Variants in TMPRSS2 observed in about 807,000 individuals in gnomAD.
TMPRSS2 encodes transmembrane protease serine 2.
In TMPRSS2, 59 loss-of-function variants were observed where a neutral mutation model predicts 67.4. The ratio of observed to expected loss-of-function variants is 0.88; its 90% CI spans 0.71 to 1.09. The LOEUF (loss-of-function observed/expected upper bound fraction) is 1.09, where lower values mean the gene tolerates loss of function less well. TMPRSS2 is among the 50% of genes least tolerant of loss of function. The probability of loss-of-function intolerance (pLI) is 0.00; values close to 1 mark genes in which losing one functional copy is unlikely to be tolerated. For missense variants in TMPRSS2, 668 were observed against 642.7 expected, an observed-to-expected ratio of 1.04 and a Z score of -0.43; for synonymous variants, 257 against 257.0, an observed-to-expected ratio of 1.00 and a Z score of 0.00.
chr21:41,488,035 CATCT>C, intron 5 of TMPRSS2: 1 of 180,394 alleles, frequency 5.5e-6, no homozygotes, highest in African/African-American at 2.3e-5. Flanking sequence ...TCAGGTGATC[CATCT>C]GCCTCGGCCT....
intron 8 of TMPRSS2, among the ~76,000 whole-genome samples, chr21:41,473,750 G>T (rs891701157): frequency 6.6e-6 from 1 of 151,254 alleles, no homozygotes; most frequent in Non-Finnish European, 1.5e-5. Context: ...GACCCAGGTG[G>T]GGGTGTTCTG....
intron 3 of TMPRSS2, among the ~76,000 whole-genome samples, chr21:41,493,352 TGTGAAGG>T: frequency 6.6e-6 from 1 of 151,964 alleles, no homozygotes; most frequent in South Asian, 2.1e-4. Flanking sequence ...AAGAGCCATT[TGTGAAGG>T]GTGAGGGGGT....
Position 41,508,086 on chromosome 21 carries a change from G to A in TMPRSS2, c.-62C>T, listed in dbSNP as rs1486820175. The A allele has an allele frequency of 8.0e-6, 10 of 1,255,388 alleles. No homozygotes were observed. The highest frequency in any genetic ancestry group is 1.6e-5 in the African/African-American group (1 of 63,608). The allele number at this position is 1,255,388 out of a possible 1,614,324, so 77.8% of individuals were successfully genotyped here. A position where few individuals can be genotyped will look rare whatever the true frequency, so the allele number is the denominator to read the frequency against. ...CTGGTACCGGCGCCGCTCACCTGCCGCGCTCCAGGCGGCGCTCCCCGCCCC... is the reference window on the plus strand; with the variant it reads ...CTGGTACCGGCGCCGCTCACCTGCCACGCTCCAGGCGGCGCTCCCCGCCCC... On this transcript the variant is annotated 5_prime_UTR_variant, in exon 1 of 14. Transcript: ENST00000332149.
chr21:41,482,418 G>C (rs2091263781), intron 5 of TMPRSS2, among the ~76,000 whole-genome samples: 1 of 152,216 alleles, frequency 6.6e-6, no homozygotes, highest in African/African-American at 2.4e-5. Context: ...GGGAAAGAGA[G>C]CAAGTGATAA....
Position 41,464,613 on chromosome 21 carries a change from AC to A in TMPRSS2, c.*1528del. ...ATATTCATTTTCACAATTGAACTTT[AC>A]AGTTTAAAAAAGATACAAAAAAAGA... On this transcript the variant is annotated 3_prime_UTR_variant, in exon 14 of 14. Coordinates refer to ENST00000332149, the MANE Select transcript of TMPRSS2 (RefSeq NM_005656.4). 4.3e-6 allele frequency: 1 copy of A among 232,712 alleles called. No homozygotes were observed. The highest frequency in any genetic ancestry group is 8.5e-6 in the Non-Finnish European group (1 of 117,650). The allele number at this position is 232,712 out of a possible 1,614,324, so 14.4% of individuals were successfully genotyped here.
At chr21:41,488,295 TG>T in intron 5 of TMPRSS2, 98 bp downstream of exon 5, 1 of 1,405,808 alleles carries the variant, frequency 7.1e-7, no homozygotes, top group Non-Finnish European at 9.8e-7. Flanking sequence ...GTCAGCGTAC[TG>T]GACGCACGCC....
At chr21:41,472,128 T>C in intron 9 of TMPRSS2, 147 bp from the exon 10 acceptor site, 1 of 637,410 alleles carries the variant, frequency 1.6e-6, no homozygotes, top group Non-Finnish European at 2.5e-6. Flanking sequence ...GAAGAGGTGC[T>C]CGGTCTCCCC....
At chr21:41,467,360 G>T (rs1396222829) in intron 13 of TMPRSS2, among the ~76,000 whole-genome samples, 2 of 150,620 alleles carry the variant, frequency 1.3e-5, no homozygotes, top group African/African-American at 2.5e-5. Context: ...CTGCACTCCA[G>T]CCTGGGCGAC....
chr21:41,489,654 A>C, intron 3 of TMPRSS2, 61 bp from the exon 4 acceptor site: 2 of 1,105,298 alleles, frequency 1.8e-6, no homozygotes, highest in Non-Finnish European at 1.4e-6. Context: ...ATGCTCTCAA[A>C]TGTTATCTAT....
intron 2 of TMPRSS2, 140 bp from the exon 3 acceptor site, chr21:41,494,718 C>A: frequency 2.4e-6 from 2 of 837,268 alleles, no homozygotes; most frequent in East Asian, 2.6e-5. Context: ...GTGAAATATG[C>A]ATCCTGTCTA....
In TMPRSS2 at chr21:41,478,008, T is replaced by A. The variant is rs538990932; in HGVS notation, c.683+1164A>T. ...CAAGGGACGGCAGCACCTCCTCCCCTCCCCCCGTCCCTGCCCGGCTGGACT... is the reference window on the plus strand; with the variant it reads ...CAAGGGACGGCAGCACCTCCTCCCCACCCCCCGTCCCTGCCCGGCTGGACT... On this transcript the variant is annotated intron_variant, in intron 7 of 13. Transcript: ENST00000332149. This position sits in a 1 kb window ranked among gnomAD's most constrained non-coding sequence, Gnocchi z 4.0. 5.9e-4 allele frequency among the ~76,000 whole-genome samples: 89 copies of A among 151,838 alleles called. No homozygotes were observed. The highest frequency in any genetic ancestry group is 2.1e-3 in the African/African-American group (87 of 41,380).
At chr21:41,476,209 C>T (rs1340967605) in intron 8 of TMPRSS2, among the ~76,000 whole-genome samples, 2 of 152,282 alleles carry the variant, frequency 1.3e-5, no homozygotes, top group African/African-American at 2.4e-5. Flanking sequence ...ACCACAGCCC[C>T]GCAGATGCTC....
intron 2 of TMPRSS2, among the ~76,000 whole-genome samples, chr21:41,494,873 A>G (rs1275931920): frequency 6.6e-6 from 1 of 151,916 alleles, no homozygotes; most frequent in Non-Finnish European, 1.5e-5. Flanking sequence ...GATCGAGACC[A>G]TCGTGGCCAA....
Position 41,476,503 on chromosome 21 carries a change from A to G in TMPRSS2, c.727+74T>C. ...TTCCCTCCCACGCCCCCAGAGACACAGGGAGTACTGTTCTGAAAGTAGAGA... is the reference window on the plus strand; with the variant it reads ...TTCCCTCCCACGCCCCCAGAGACACGGGGAGTACTGTTCTGAAAGTAGAGA... On this transcript the variant is annotated intron_variant, in intron 8 of 13. Coordinates refer to ENST00000332149, the MANE Select transcript of TMPRSS2 (RefSeq NM_005656.4). 4 of 1,464,544 alleles carry G rather than the reference A, an allele frequency of 2.7e-6. No individual in the cohort carries two copies. In the South Asian group the frequency reaches 4.5e-5, roughly 17 times the overall value. 90.7% of individuals were successfully genotyped at this position (1,464,544 alleles called of 1,614,324 possible). A position where few individuals can be genotyped will look rare whatever the true frequency, so the allele number is the denominator to read the frequency against.
At position 41,468,436 on chromosome 21, in the gene TMPRSS2, A is replaced by T; in HGVS notation, c.1274T>A (p.Ile425Asn). The T allele has an allele frequency of 1.9e-6, 3 of 1,614,210 alleles. No individual in the cohort carries two copies. The highest frequency in any genetic ancestry group is 2.5e-6 in the Non-Finnish European group (3 of 1,180,032). ...GTTCCCCTGCAGGAAGCCGGCACAG[A>T]TCATGGCTGGTGTGATCAGGTTGTC... ...VYDNLITPAM[I>N]CAGFLQGNVD... Residue 425 changes from isoleucine to asparagine, a missense_variant, in exon 12 of 14, where the codon ATC (isoleucine) becomes AAC (asparagine). Transcript: ENST00000332149.
intron 1 of TMPRSS2, among the ~76,000 whole-genome samples, chr21:41,506,110 G>T (rs1196188450): frequency 6.6e-6 from 1 of 152,228 alleles, no homozygotes; most frequent in Admixed American, 6.5e-5. Context: ...CAATTAAGGT[G>T]ACTTGAGTTC....
chr21:41,473,914 G>GGTGA (rs144192191), intron 8 of TMPRSS2, among the ~76,000 whole-genome samples: 23,091 of 105,474 alleles, frequency 0.22, 3,289 homozygotes, highest in Middle Eastern at 0.28. Flanking sequence ...AAGGTGAAGG[G>GGTGA]GTGAGTGAGG....
intron 13 of TMPRSS2, 146 bp from the exon 14 acceptor site, chr21:41,466,299 G>A (rs2091083043): frequency 1.9e-5 from 15 of 803,922 alleles, no homozygotes; most frequent in Non-Finnish European, 3.1e-5. Context: ...TCTCTCCAAC[G>A]TGTTGGTCAG....
intron 11 of TMPRSS2, chr21:41,468,818 AT>A: frequency 2.7e-6 from 1 of 370,668 alleles, no homozygotes; most frequent in Non-Finnish European, 5.0e-6. Flanking sequence ...GTGCCATGGA[AT>A]CCCCCTCTTA....
Sources: allele counts gnomAD v4.1 joint callset (sites outside exome capture counted in the v4.1 genomes callset), GRCh38; gene constraint gnomAD v4.1.1; non-coding constraint Gnocchi (gnomAD v3.1); transcripts MANE v1.5; gene names NCBI Gene and HGNC (gene_info 2026-07-23, HGNC 2026-07-21).